The following COL4A2 variants were observed in gnomAD, a reference collection of about 807,000 sequenced individuals.
COL4A2 encodes the protein collagen type IV alpha 2 chain.
A neutral mutation model predicts 200.2 loss-of-function variants in COL4A2; 99 were observed. The observed-to-expected ratio is 0.49, with a 90% CI of 0.42 to 0.58. The LOEUF is 0.58. Among genes scored for constraint, COL4A2 ranks in the 20% least tolerant of loss-of-function variants. The probability of loss-of-function intolerance (pLI) is 0.00; values close to 1 mark genes in which losing one functional copy is unlikely to be tolerated. For missense variants in COL4A2, 1,950 were observed against 2,314.1 expected (o/e 0.84, Z 3.23); for synonymous variants, 897 against 900.6 (o/e 1.00, Z 0.07).
chr13:110,312,478 T>C (rs1267136731), intron 3 of COL4A2, among the ~76,000 whole-genome samples: 3 of 152,206 alleles, frequency 2.0e-5, no homozygotes, highest in African/African-American at 7.2e-5. Context: ...GGATGTGTAG[T>C]TTAAATAATA....
intron 4 of COL4A2, among the ~76,000 whole-genome samples, chr13:110,413,794 C>T (rs1433852851): frequency 2.6e-5 from 4 of 152,134 alleles, no homozygotes; most frequent in Admixed American, 6.5e-5. Flanking sequence ...CAGTGCTTGG[C>T]GGTGGTGAGC....
chr13:110,368,893 T>C (rs1877876442), intron 4 of COL4A2, among the ~76,000 whole-genome samples: 1 of 150,286 alleles, frequency 6.7e-6, no homozygotes, highest in Admixed American at 6.7e-5. Context: ...GGATGTTTAA[T>C]GTGAAATCCA....
chr13:110,453,557 G>T (rs4641602), intron 20 of COL4A2, among the ~76,000 whole-genome samples: 1 of 151,952 alleles, frequency 6.6e-6, no homozygotes, highest in African/African-American at 2.4e-5. Context: ...AAAGGCTAAC[G>T]TTGCCATTAT....
chr13:110,445,354 C>T (rs1003718439), intron 16 of COL4A2, among the ~76,000 whole-genome samples: 1 of 152,194 alleles, frequency 6.6e-6, no homozygotes, highest in Non-Finnish European at 1.5e-5. Context: ...CCAGCATCCT[C>T]CGCAAATGAT....
In COL4A2 at chr13:110,401,441, A is replaced by T. The variant is rs572533873; in HGVS notation, c.181-23293A>T. On this transcript the variant is annotated intron_variant, in intron 4 of 47. Coordinates refer to ENST00000360467, the MANE Select transcript of COL4A2 (RefSeq NM_001846.4). ...ACCTAATTAAGTGGGTTTTGAAGAG[A>T]CAATGGAGCTCTGTTTATATGTTTG... Among the ~76,000 whole-genome samples, 13 of 152,322 alleles carry T rather than the reference A, an allele frequency of 8.5e-5. No homozygotes were observed. In the South Asian group the frequency reaches 2.3e-3, roughly 27 times the overall value.
chr13:110,434,952 G>A (rs554612056), intron 12 of COL4A2, among the ~76,000 whole-genome samples: 1 of 152,330 alleles, frequency 6.6e-6, no homozygotes, highest in South Asian at 2.1e-4. Flanking sequence ...GAGATCACGT[G>A]CATGACAGGC....
chr13:110,430,457 C>T (rs765589060), intron 9 of COL4A2, 21 bp downstream of exon 9: 10 of 1,613,974 alleles, frequency 6.2e-6, no homozygotes, highest in Non-Finnish European at 7.6e-6. Flanking sequence ...TTTTATTGGA[C>T]GATATTCCAA....
intron 4 of COL4A2, among the ~76,000 whole-genome samples, chr13:110,398,100 T>C (rs1484201491): frequency 9.0e-5 from 3 of 33,192 alleles, no homozygotes; most frequent in African/African-American, 1.7e-4. Context: ...ATCAGATTTT[T>C]TCTTTTTTTT....
chr13:110,413,000 A>G (rs1879902814), intron 4 of COL4A2, among the ~76,000 whole-genome samples: 1 of 152,198 alleles, frequency 6.6e-6, no homozygotes, highest in Non-Finnish European at 1.5e-5. Context: ...GGGCGGGCAC[A>G]GGGCTTGGAG....
chr13:110,354,588 G>A (rs922416937), intron 3 of COL4A2, among the ~76,000 whole-genome samples: 2 of 150,064 alleles, frequency 1.3e-5, no homozygotes, highest in Non-Finnish European at 3.0e-5. Flanking sequence ...TCAAGGTACT[G>A]TTTTCTCTGA....
At chr13:110,381,169 G>C (rs918687957) in intron 4 of COL4A2, among the ~76,000 whole-genome samples, 1 of 148,278 alleles carries the variant, frequency 6.7e-6, no homozygotes, top group East Asian at 2.0e-4. Context: ...ACATCCACGG[G>C]CTCTATCTCA....
At chr13:110,501,035 G>T (rs1439506506) in intron 40 of COL4A2, among the ~76,000 whole-genome samples, 10 of 152,212 alleles carry the variant, frequency 6.6e-5, no homozygotes, top group Admixed American at 6.5e-4. Flanking sequence ...GAAGGCAGGA[G>T]CGTCACCTTG....
chr13:110,464,328 G>A (rs368724477), intron 24 of COL4A2, among the ~76,000 whole-genome samples: 1 of 152,176 alleles, frequency 6.6e-6, no homozygotes, highest in Admixed American at 6.5e-5. Flanking sequence ...TCCCATTCTC[G>A]GGGTGTAGGG....
At chr13:110,343,688 CTG>C (rs1876567766) in intron 3 of COL4A2, among the ~76,000 whole-genome samples, 1 of 152,244 alleles carries the variant, frequency 6.6e-6, no homozygotes, top group African/African-American at 2.4e-5. Context: ...CGCAGCGCTG[CTG>C]TGTGCCAATG....
intron 4 of COL4A2, among the ~76,000 whole-genome samples, chr13:110,369,400 A>C (rs1357600642): frequency 6.6e-6 from 1 of 152,180 alleles, no homozygotes; most frequent in African/African-American, 2.4e-5. Context: ...AGGGTTGCTC[A>C]ACCAGTAAGT....
intron 4 of COL4A2, among the ~76,000 whole-genome samples, chr13:110,416,698 A>C (rs960207617): frequency 2.6e-5 from 4 of 152,218 alleles, no homozygotes; most frequent in African/African-American, 9.6e-5. Context: ...CAGTCAAATC[A>C]TTTCAGATAA....
At chr13:110,480,537 C>T (rs1313065620) in intron 31 of COL4A2, 147 bp downstream of exon 31, 4 of 812,906 alleles carry the variant, frequency 4.9e-6, no homozygotes, top group Non-Finnish European at 3.7e-6. Flanking sequence ...ACTCTCCTGA[C>T]CTAGGAGACA....
intron 35 of COL4A2, 74 bp from the exon 36 acceptor site, chr13:110,489,637 A>G (rs1457124744): frequency 6.2e-7 from 1 of 1,602,612 alleles, no homozygotes; most frequent in African/African-American, 1.3e-5. Context: ...GGAATATAAC[A>G]AAATAGAAGT....
chr13:110,506,306 ACTCT>A (rs780165751), intron 45 of COL4A2, 105 bp from the exon 46 acceptor site: 48 of 914,636 alleles, frequency 5.2e-5, no homozygotes, highest in Middle Eastern at 3.6e-4. Flanking sequence ...CAGGCCGTCC[ACTCT>A]CTCTCTCTCT....
Sources: allele counts gnomAD v4.1 joint callset (sites outside exome capture counted in the v4.1 genomes callset), GRCh38; gene constraint gnomAD v4.1.1; transcripts MANE v1.5; gene names NCBI Gene and HGNC (gene_info 2026-07-23, HGNC 2026-07-21).